PCDHA10: variants seen among roughly 807,000 people sequenced by gnomAD.
The protein encoded by PCDHA10 is protocadherin alpha 10.
A neutral mutation model predicts 61.2 loss-of-function variants in PCDHA10; 45 were observed. The ratio of observed to expected loss-of-function variants is 0.74; its 90% CI spans 0.58 to 0.94. The LOEUF (loss-of-function observed/expected upper bound fraction) is 0.94. PCDHA10 is among the 40% of genes least tolerant of loss of function. The probability of loss-of-function intolerance (pLI) is 0.00; values close to 1 mark genes in which losing one functional copy is unlikely to be tolerated. For missense variants in PCDHA10, 1,278 were observed against 1,236.2 expected (o/e 1.03, Z -0.51); for synonymous variants, 602 against 548.8 (o/e 1.10, Z -1.35).
chr5:140,859,825 T>A (rs752840072), intron 1 of PCDHA10: 18 of 152,366 alleles, frequency 1.2e-4, no homozygotes, highest in Non-Finnish European at 2.3e-4. Context: ...AGTTTAGAAG[T>A]GTATTTGTTA....
intron 1 of PCDHA10, among the ~76,000 whole-genome samples, chr5:140,970,662 C>T (rs575204326): frequency 6.6e-6 from 1 of 152,268 alleles, no homozygotes; most frequent in South Asian, 2.1e-4. Flanking sequence ...TGTTATCTTT[C>T]CAAATAACTA....
At chr5:140,964,009 A>G (rs1435043905) in intron 1 of PCDHA10, among the ~76,000 whole-genome samples, 1 of 152,160 alleles carries the variant, frequency 6.6e-6, no homozygotes, top group Non-Finnish European at 1.5e-5. Context: ...CTACTTTTTA[A>G]TAGAGAGCTC....
At chr5:140,961,984 C>T (rs1037951528) in intron 1 of PCDHA10, among the ~76,000 whole-genome samples, 69 of 151,884 alleles carry the variant, frequency 4.5e-4, no homozygotes, top group African/African-American at 1.5e-3. Context: ...CCTGGGTTCA[C>T]GCCATTGTCC....
intron 1 of PCDHA10, chr5:140,882,543 G>A: frequency 6.2e-7 from 1 of 1,614,236 alleles, no homozygotes; most frequent in Non-Finnish European, 8.5e-7. Context: ...CGGATCGACC[G>A]CGAGGAGCTG....
intron 1 of PCDHA10, chr5:140,869,752 G>C (rs1398153775): frequency 1.4e-5 from 22 of 1,613,136 alleles, no homozygotes; most frequent in Middle Eastern, 1.6e-4. Context: ...AGCTACAGAC[G>C]GGGGAAAACC....
At chr5:140,884,388 T>C in intron 1 of PCDHA10, 1 of 1,613,960 alleles carries the variant, frequency 6.2e-7, no homozygotes, top group Non-Finnish European at 8.5e-7. Flanking sequence ...ATCTGCGCGG[T>C]GTCCAGCCTG....
At position 141,012,035 on chromosome 5, in the gene PCDHA10, G is replaced by A. The variant is rs908623831; in HGVS notation, c.*2098G>A. The A allele has an allele frequency of 1.3e-5, 2 of 153,684 alleles. No individual in the cohort carries two copies. The highest frequency in any genetic ancestry group is 2.9e-5 in the Non-Finnish European group (2 of 68,026). The allele number at this position is 153,684 out of a possible 1,614,324, so 9.5% of individuals were successfully genotyped here. A position where few individuals can be genotyped will look rare whatever the true frequency, so the allele number is the denominator to read the frequency against. On this transcript the variant is annotated 3_prime_UTR_variant, in exon 4 of 4. Coordinates refer to ENST00000307360, the MANE Select transcript of PCDHA10 (RefSeq NM_018901.4). The stretch of plus-strand genomic sequence containing the variant: ...TGTGTAACTTCAGCTCTGCAGGATT[G>A]CATGGGGTAAAACTTGTTACCAACA...
At chr5:140,963,421 T>C (rs1554226598) in intron 1 of PCDHA10, among the ~76,000 whole-genome samples, 2 of 152,252 alleles carry the variant, frequency 1.3e-5, no homozygotes, top group African/African-American at 4.8e-5. Flanking sequence ...ACAGCATGTT[T>C]AGGAACTAAC....
At chr5:140,892,885 ACCAACCTTTCC>A (rs1269753589) in intron 1 of PCDHA10, among the ~76,000 whole-genome samples, 1 of 152,154 alleles carries the variant, frequency 6.6e-6, no homozygotes, top group Non-Finnish European at 1.5e-5. Flanking sequence ...GTATCCATTA[ACCAACCTTTCC>A]CCATCCTCCT....
intron 3 of PCDHA10, among the ~76,000 whole-genome samples, chr5:141,003,794 G>A (rs1158199764): frequency 6.6e-6 from 1 of 152,102 alleles, no homozygotes; most frequent in Non-Finnish European, 1.5e-5. Context: ...AAATCCTATT[G>A]GGTTGTAATC....
chr5:140,883,835 T>C (rs782244088), intron 1 of PCDHA10: 10 of 1,612,448 alleles, frequency 6.2e-6, no homozygotes, highest in East Asian at 4.5e-5. Flanking sequence ...GCTGCAGCCG[T>C]TGGACCACGA....
rs1255289031 is a variant in PCDHA10 at position 141,010,188 on chromosome 5, T to C, written c.*251T>C. On this transcript the variant is annotated 3_prime_UTR_variant, in exon 4 of 4. Transcript: ENST00000307360. Reference sequence around the variant, plus strand: ...CAGAACCTAAAAAGCAGACCCAAGTTTCCTTTCTCCTCCGCCGCAAAGGAG... The same window carrying C: ...CAGAACCTAAAAAGCAGACCCAAGTCTCCTTTCTCCTCCGCCGCAAAGGAG... 1.3e-6 allele frequency: 2 copies of C among 1,552,952 alleles called. No individual in the cohort carries two copies. Among genetic ancestry groups the C allele is most frequent in the Non-Finnish European group, 8.7e-7 (1 of 1,147,482 alleles).
intron 1 of PCDHA10, among the ~76,000 whole-genome samples, chr5:140,940,939 C>T (rs930086780): frequency 2.0e-5 from 3 of 152,154 alleles, no homozygotes; most frequent in African/African-American, 2.4e-5. Context: ...ACTTAGACTA[C>T]GTATTCTCAG....
At chr5:140,933,480 G>C (rs1255769578) in intron 1 of PCDHA10, among the ~76,000 whole-genome samples, 1 of 151,846 alleles carries the variant, frequency 6.6e-6, no homozygotes, top group South Asian at 2.1e-4. Flanking sequence ...ACACATTATG[G>C]TTATTCTTTA....
chr5:140,967,130 G>A (rs1554229204), intron 1 of PCDHA10: 1 of 1,612,184 alleles, frequency 6.2e-7, no homozygotes, highest in East Asian at 2.2e-5. Flanking sequence ...GCTCAGCTTG[G>A]AAGTGCTGGC....
chr5:140,870,100 T>C (rs1554163812), intron 1 of PCDHA10: 2 of 1,613,914 alleles, frequency 1.2e-6, no homozygotes, highest in Admixed American at 3.3e-5. Context: ...GGCAGGTCAC[T>C]GTACAGTCTG....
chr5:140,899,019 G>A (rs2067099712), intron 1 of PCDHA10, among the ~76,000 whole-genome samples: 1 of 151,834 alleles, frequency 6.6e-6, no homozygotes, highest in African/African-American at 2.4e-5. Flanking sequence ...AAGAATGCTT[G>A]TGATTTTTGT....
Position 140,969,468 on chromosome 5 carries a change from A to G in PCDHA10, c.2389-9481A>G, listed in dbSNP as rs1554231867. 18 of 1,486,304 alleles carry G rather than the reference A, an allele frequency of 1.2e-5. No individual in the cohort carries two copies. In the South Asian group the frequency reaches 2.5e-4, roughly 21 times the overall value. 92.1% of individuals were successfully genotyped at this position (1,486,304 alleles called of 1,614,324 possible). The stretch of plus-strand genomic sequence containing the variant: ...AAACTGAGTATATATAGTATCCACA[A>G]TTTGATCATAATCTGCTATTTCCTC... On this transcript the variant is annotated intron_variant, in intron 1 of 3. Transcript: ENST00000307360.
intron 1 of PCDHA10, among the ~76,000 whole-genome samples, chr5:140,918,678 A>G (rs2078806155): frequency 6.6e-6 from 1 of 152,098 alleles, no homozygotes; most frequent in South Asian, 2.1e-4. Context: ...AAGAGGTGAG[A>G]CCTTTCAAAC....
Sources: gnomAD v4.1 joint callset for allele counts (sites outside exome capture counted in the v4.1 genomes callset) on GRCh38, gnomAD v4.1.1 for gene constraint, MANE v1.5 for transcripts, NCBI Gene and HGNC (gene_info 2026-07-23, HGNC 2026-07-21) for gene names.